Variants in ZDHHC6 observed in about 807,000 individuals in gnomAD.
ZDHHC6 encodes the protein zDHHC palmitoyltransferase 6, also known as palmitoyltransferase ZDHHC6.
A neutral mutation model predicts 57.8 loss-of-function variants in ZDHHC6; 32 were observed. The observed-to-expected ratio is 0.55, with a 90% confidence interval of 0.42 to 0.74. The LOEUF (loss-of-function observed/expected upper bound fraction) is 0.74. Ranked by LOEUF, ZDHHC6 falls within the 30% of genes least tolerant of loss-of-function variation. ZDHHC6 has a pLI of 0.00. For synonymous variants in ZDHHC6, 128 were observed against 158.0 expected, an observed-to-expected ratio of 0.81 and a Z score of 1.42; for missense variants, 433 against 500.7, an observed-to-expected ratio of 0.86 and a Z score of 1.29.
chr10:112,433,213 A>T, intron 8 of ZDHHC6, 27 bp downstream of exon 8: 1 of 1,556,382 alleles, frequency 6.4e-7, no homozygotes, highest in East Asian at 2.3e-5. Flanking sequence ...AAGAAAAAAA[A>T]ATTACCACTG....
downstream of ZDHHC6, among the ~76,000 whole-genome samples, chr10:112,429,599 T>C (rs1844867403): frequency 2.0e-5 from 3 of 152,208 alleles, no homozygotes; most frequent in Admixed American, 1.3e-4. Flanking sequence ...GAAATAGGCT[T>C]TCTCTTTCCT....
chr10:112,433,742 T>C (rs1845259593), intron 7 of ZDHHC6, among the ~76,000 whole-genome samples: 1 of 152,152 alleles, frequency 6.6e-6, no homozygotes, highest in Admixed American at 6.5e-5. Flanking sequence ...ATATTAGATA[T>C]AATAGGAGAA....
chr10:112,429,455 ACTC>A (rs1363842238), downstream of ZDHHC6, among the ~76,000 whole-genome samples: 4 of 151,992 alleles, frequency 2.6e-5, no homozygotes, highest in South Asian at 6.2e-4. Context: ...CAATAACATG[ACTC>A]CATCTTACAT....
At chr10:112,427,486 G>T, downstream of ZDHHC6, 1 of 866,610 alleles carries the variant, frequency 1.2e-6, no homozygotes, top group Non-Finnish European at 1.7e-6. Flanking sequence ...TAAAGCCATA[G>T]CTTTTGTTTT....
chr10:112,446,469 C>A (rs146682492), intron 1 of ZDHHC6: 1 of 152,292 alleles, frequency 6.6e-6, no homozygotes, highest in Non-Finnish European at 1.5e-5. Context: ...ATCTGAAGAT[C>A]TGGAAGAGGA....
chr10:112,429,673 T>C (rs1434408748), downstream of ZDHHC6, among the ~76,000 whole-genome samples: 1 of 152,160 alleles, frequency 6.6e-6, no homozygotes, highest in Non-Finnish European at 1.5e-5. Context: ...CCAGCTTGGA[T>C]CCTACCACTC....
chr10:112,425,141 T>G (rs1353488347), exon 12 of ZDHHC6: 1 of 449,056 alleles, frequency 2.2e-6, no homozygotes, highest in African/African-American at 2.0e-5. Flanking sequence ...CACATAGATA[T>G]ACAGTAAAGA....
rs116492857 is a variant in ZDHHC6, at chr10:112,438,594, C to T, written c.682-205G>A. 7.6e-3 allele frequency among the ~76,000 whole-genome samples: 1,154 copies of T among 151,374 alleles called. 14 individuals are homozygous for T. The highest frequency in any genetic ancestry group is 0.026 in the African/African-American group (1,082 of 41,210). ...TAACTACTGCACCACGGTACCTCTC[C>T]GTAACAATGATTACACCCATCCATA... is the stretch of plus-strand genomic sequence containing the variant. On this transcript the variant is annotated intron_variant, in intron 5 of 10. Transcript: ENST00000369405.
At chr10:112,426,284 T>C (rs764876585), downstream of ZDHHC6, 3 of 1,614,180 alleles carry the variant, frequency 1.9e-6, no homozygotes, top group Admixed American at 1.7e-5. Context: ...TGGTGGTTCC[T>C]GACACAGATG....
At chr10:112,433,207 A>G in intron 8 of ZDHHC6, 33 bp downstream of exon 8, 1 of 1,549,882 alleles carries the variant, frequency 6.5e-7, no homozygotes, top group Non-Finnish European at 8.7e-7. Context: ...TAACAAAAGA[A>G]AAAAAAATTA....
chr10:112,443,428 G>T, intron 3 of ZDHHC6, 87 bp downstream of exon 3: 2 of 1,136,112 alleles, frequency 1.8e-6, no homozygotes, highest in Non-Finnish European at 2.6e-6. Context: ...GCAGTGAATA[G>T]AAGTAGCACT....
intron 10 of ZDHHC6, 52 bp downstream of exon 10, chr10:112,432,188 G>A (rs950929210): frequency 7.8e-6 from 12 of 1,532,936 alleles, no homozygotes; most frequent in Middle Eastern, 2.4e-4. Flanking sequence ...TGTAAAATTT[G>A]GAATTATTGC....
chr10:112,427,309 A>G (rs771902153), downstream of ZDHHC6: 14 of 1,613,740 alleles, frequency 8.7e-6, no homozygotes, highest in East Asian at 2.5e-4. Flanking sequence ...GAGCTTTCCA[A>G]ATACTTTCGG....
chr10:112,438,280 C>T (rs1218948701), intron 6 of ZDHHC6, 56 bp downstream of exon 6: 1 of 1,137,930 alleles, frequency 8.8e-7, no homozygotes, highest in Non-Finnish European at 1.2e-6. Context: ...CAGGACTTTA[C>T]CAGTCCTTTA....
chr10:112,435,639 A>G (rs1280416136), intron 6 of ZDHHC6, among the ~76,000 whole-genome samples: 1 of 152,260 alleles, frequency 6.6e-6, no homozygotes, highest in Admixed American at 6.5e-5. Context: ...TAAAATAATT[A>G]TTAAGCTATA....
exon 12 of ZDHHC6, chr10:112,424,549 C>G (rs539905039): frequency 6.6e-6 from 1 of 152,196 alleles, no homozygotes; most frequent in Admixed American, 6.5e-5. Flanking sequence ...GATATGTCCC[C>G]ACACCAGGGT....
At chr10:112,425,473 A>C (rs752072612), downstream of ZDHHC6, 26 of 1,609,036 alleles carry the variant, frequency 1.6e-5, no homozygotes, top group Non-Finnish European at 2.2e-5. Flanking sequence ...ACACGGGGAG[A>C]GCTTACGGGT....
intron 2 of ZDHHC6, among the ~76,000 whole-genome samples, chr10:112,444,901 C>T (rs1846488153): frequency 6.6e-6 from 1 of 152,020 alleles, no homozygotes; most frequent in Non-Finnish European, 1.5e-5. Context: ...GACCATGAAC[C>T]TATCCCACCT....
chr10:112,429,574 T>C (rs1382853689), downstream of ZDHHC6, among the ~76,000 whole-genome samples: 3 of 152,200 alleles, frequency 2.0e-5, no homozygotes. Context: ...CTTGGAAAGG[T>C]TTCTGAAGTC....
Sources: gnomAD v4.1 joint callset for allele counts (sites outside exome capture counted in the v4.1 genomes callset) on GRCh38, gnomAD v4.1.1 for gene constraint, MANE v1.5 for transcripts, NCBI Gene and HGNC (gene_info 2026-07-23, HGNC 2026-07-21) for gene names.